Variants in MEF2B observed in about 807,000 individuals in gnomAD.
MEF2B encodes the protein myocyte enhancer factor 2B, also known as myocyte-specific enhancer factor 2B.
A neutral mutation model predicts 32.2 loss-of-function variants in MEF2B; 15 were observed. That is an observed-to-expected ratio of 0.47 (90% CI 0.31 to 0.72). MEF2B has a LOEUF of 0.72. Among genes scored for constraint, MEF2B ranks in the 30% least tolerant of loss-of-function variants. The pLI is 0.05. For synonymous variants in MEF2B, 205 were observed against 225.6 expected (o/e 0.91, Z 0.82); for missense variants, 441 against 511.5 (o/e 0.86, Z 1.33).
chr19:19,168,493 G>A (rs1023705188), intron 1 of MEF2B, among the ~76,000 whole-genome samples: 63 of 151,602 alleles, frequency 4.2e-4, no homozygotes, highest in African/African-American at 1.5e-3. Context: ...GGCTGGTCTC[G>A]AACTCCTGAC....
rs1022063588 is a variant in MEF2B at position 19,146,027 on chromosome 19, AG to A, written c.882-6del. 9 of 1,423,736 alleles carry A rather than the reference AG, an allele frequency of 6.3e-6. No homozygotes were observed. Among genetic ancestry groups the A allele is most frequent in the Non-Finnish European group, 1.8e-6 (2 of 1,089,010 alleles). The allele number at this position is 1,423,736 out of a possible 1,614,324, so 88.2% of individuals were successfully genotyped here. On this transcript the variant is annotated splice_polypyrimidine_tract_variant and splice_region_variant and intron_variant, in intron 8 of 8. Transcript: ENST00000424583. ...TCGCCCAGGCTTCGGCCCCCACTGC[AG>A]GGGGAAAGAGAGAGGGAGGCCGTGA...
At position 19,147,164 on chromosome 19, in the gene MEF2B, G is replaced by A. The variant is rs1185054855; in HGVS notation, c.413C>T (p.Pro138Leu). The A allele has an allele frequency of 6.3e-7, 1 of 1,582,396 alleles. No individual in the cohort carries two copies. Among genetic ancestry groups the A allele is most frequent in the East Asian group, 2.3e-5 (1 of 43,484 alleles). ...PRLYPAAPAM[P>L]SPDVVYGALP... is the part of the protein sequence containing the mutation. ...GGCCCCGTATACCACATCTGGGCTG[G>A]GCATAGCAGGAGCTGCAGGCTGTGG... is the stretch of plus-strand genomic sequence containing the variant. The change falls in exon 5 of 9, where the codon CCC becomes CTC. Residue 138 changes from proline (P) to leucine (L), a missense_variant. Pro to Leu is a moderately conservative substitution (Grantham distance 98). Coordinates refer to ENST00000424583, the MANE Select transcript of MEF2B (RefSeq NM_001145785.2).
chr19:19,146,911 C>A (rs1187668079), intron 5 of MEF2B, 36 bp from the exon 6 acceptor site: 1 of 1,593,964 alleles, frequency 6.3e-7, no homozygotes, highest in Non-Finnish European at 8.5e-7. Flanking sequence ...AGAGGACAGG[C>A]AGGCCATGTC....
intron 1 of MEF2B, among the ~76,000 whole-genome samples, chr19:19,151,081 C>T (rs917234726): frequency 1.3e-5 from 2 of 152,174 alleles, no homozygotes; most frequent in South Asian, 2.1e-4. Context: ...GTTGAAACCC[C>T]GGCTCTACAA....
intron 1 of MEF2B, among the ~76,000 whole-genome samples, chr19:19,166,340 A>G (rs2060207132): frequency 6.6e-6 from 1 of 152,172 alleles, no homozygotes; most frequent in Non-Finnish European, 1.5e-5. Context: ...ACAGCCCCAG[A>G]GAGGCCCTTT....
intron 1 of MEF2B, among the ~76,000 whole-genome samples, chr19:19,161,043 T>G (rs555205704): frequency 2.0e-4 from 31 of 152,210 alleles, no homozygotes; most frequent in Middle Eastern, 6.8e-3. Context: ...ACTCCCCTGT[T>G]GCTGAGCTTC....
intron 4 of MEF2B, among the ~76,000 whole-genome samples, chr19:19,147,454 T>G (rs2060037007): frequency 2.9e-5 from 2 of 68,728 alleles, no homozygotes; most frequent in Non-Finnish European, 6.6e-5. Context: ...CTGCACAGAG[T>G]GTTTGATGAA....
At chr19:19,162,304 T>A (rs1056719277) in intron 1 of MEF2B, among the ~76,000 whole-genome samples, 2 of 152,014 alleles carry the variant, frequency 1.3e-5, no homozygotes, top group Non-Finnish European at 1.5e-5. Flanking sequence ...GGCTAATTTT[T>A]TTTATTTTTG....
At chr19:19,153,101 G>A (rs1227009824) in intron 1 of MEF2B, among the ~76,000 whole-genome samples, 1 of 152,200 alleles carries the variant, frequency 6.6e-6, no homozygotes, top group African/African-American at 2.4e-5. Context: ...AGATGACTCC[G>A]GAAATGCCCC....
At chr19:19,162,189 G>A (rs2060169616) in intron 1 of MEF2B, among the ~76,000 whole-genome samples, 1 of 152,072 alleles carries the variant, frequency 6.6e-6, no homozygotes, top group Non-Finnish European at 1.5e-5. Flanking sequence ...TGCCATCATA[G>A]CTCACTGCAG....
intron 3 of MEF2B, among the ~76,000 whole-genome samples, chr19:19,148,189 C>T (rs557345732): frequency 1.3e-5 from 2 of 152,242 alleles, no homozygotes; most frequent in African/African-American, 2.4e-5. Context: ...AGAGGCCGGG[C>T]GCGGTGGCTC....
chr19:19,147,712 G>C lies in MEF2B; in HGVS notation c.379C>G (p.Arg127Gly). 2 of 1,613,652 alleles carry C rather than the reference G, an allele frequency of 1.2e-6. No individual in the cohort carries two copies. Among genetic ancestry groups the C allele is most frequent in the South Asian group, 1.1e-5 (1 of 91,064 alleles). Residue 127 changes from arginine (R) to glycine (G), a missense_variant, in exon 4 of 9, where the codon CGA becomes GGA. Coordinates refer to ENST00000424583, the MANE Select transcript of MEF2B (RefSeq NM_001145785.2). The part of the protein sequence containing the change: ...AGEGGDPALP[R>G]PRLYPAAPAM... Reference sequence around the variant, plus strand: ...GAGTCACTTACATACAGCCGGGGTCGGGGCAAGGCCGGATCACCCCCTTCG... The same window carrying C: ...GAGTCACTTACATACAGCCGGGGTCCGGGCAAGGCCGGATCACCCCCTTCG...
chr19:19,165,399 C>T (rs540023963), intron 1 of MEF2B, among the ~76,000 whole-genome samples: 1 of 152,242 alleles, frequency 6.6e-6, no homozygotes, highest in Admixed American at 6.5e-5. Context: ...GCCGAGATCG[C>T]ACCACTGCAC....
rs761959059 is a variant in MEF2B at position 19,147,020 on chromosome 19, A to C, written c.541+16T>G. The C allele has an allele frequency of 6.3e-7, 1 of 1,586,424 alleles. No individual in the cohort carries two copies. The highest frequency in any genetic ancestry group is 1.8e-5 in the Admixed American group (1 of 55,068). On this transcript the variant is annotated intron_variant, in intron 5 of 8. Coordinates refer to ENST00000424583, the MANE Select transcript of MEF2B (RefSeq NM_001145785.2). ...CCCCTCAGGACCTCACCCCTGCCCCACTGTCCCATGCTCACCTGGGGGCCC... is the reference window on the plus strand; with the variant it reads ...CCCCTCAGGACCTCACCCCTGCCCCCCTGTCCCATGCTCACCTGGGGGCCC...
At chr19:19,167,350 CAAAA>C (rs34446494) in intron 1 of MEF2B, among the ~76,000 whole-genome samples, 18 of 98,534 alleles carry the variant, frequency 1.8e-4, no homozygotes, top group Admixed American at 5.5e-4. Flanking sequence ...GACTCTGTCT[CAAAA>C]AAAAAAAAAA....
chr19:19,168,937 T>C (rs896823319), intron 1 of MEF2B, among the ~76,000 whole-genome samples: 1 of 148,450 alleles, frequency 6.7e-6, no homozygotes, highest in African/African-American at 2.5e-5. Context: ...TAGTCCCAGA[T>C]ACTCGGGAGG....
At chr19:19,148,578 C>T (rs2060046773) in intron 3 of MEF2B, among the ~76,000 whole-genome samples, 2 of 152,156 alleles carry the variant, frequency 1.3e-5, no homozygotes, top group Non-Finnish European at 2.9e-5. Context: ...CAACTTCTGC[C>T]CCACACTTCC....
intron 3 of MEF2B, among the ~76,000 whole-genome samples, chr19:19,148,978 C>T (rs1184612867): frequency 2.6e-5 from 4 of 151,924 alleles, no homozygotes; most frequent in Non-Finnish European, 5.9e-5. Context: ...TCCCAAAGTG[C>T]TGGGATTGCA....
intron 1 of MEF2B, among the ~76,000 whole-genome samples, chr19:19,166,297 G>A (rs1306258936): frequency 6.6e-6 from 1 of 152,106 alleles, no homozygotes; most frequent in Non-Finnish European, 1.5e-5. Flanking sequence ...CTGGGCCGCA[G>A]GGTATCAGGG....
Sources: allele counts gnomAD v4.1 joint callset (sites outside exome capture counted in the v4.1 genomes callset), GRCh38; gene constraint gnomAD v4.1.1; transcripts MANE v1.5; gene names NCBI Gene and HGNC (gene_info 2026-07-23, HGNC 2026-07-21).